The following NXPH1 variants were observed in gnomAD, a reference collection of about 807,000 sequenced individuals.
The protein encoded by NXPH1 is neurexophilin 1.
In NXPH1, 5 loss-of-function variants were observed where a neutral mutation model predicts 23.7. The ratio of observed to expected loss-of-function variants is 0.21; its 90% CI spans 0.11 to 0.44. The LOEUF (loss-of-function observed/expected upper bound fraction) is 0.44. NXPH1 is among the 20% of genes least tolerant of loss of function. The probability of loss-of-function intolerance (pLI) is 0.99; values close to 1 mark genes in which losing one functional copy is unlikely to be tolerated. For synonymous variants in NXPH1, 144 were observed against 122.2 expected (o/e 1.18, Z -1.18); for missense variants, 324 against 321.6 (o/e 1.01, Z -0.06).
intron 2 of NXPH1, among the ~76,000 whole-genome samples, chr7:8,513,639 T>G (rs2128614400): frequency 1.3e-5 from 2 of 152,162 alleles, no homozygotes; most frequent in East Asian, 3.9e-4. Context: ...CATTATGGTT[T>G]GGGGGAACAA....
At chr7:8,454,132 A>G (rs769025005) in intron 2 of NXPH1, among the ~76,000 whole-genome samples, 1 of 151,990 alleles carries the variant, frequency 6.6e-6, no homozygotes, top group Non-Finnish European at 1.5e-5. Flanking sequence ...AAAACTAACT[A>G]ATGGGTACTA....
chr7:8,744,888 T>C (rs1780441720), intron 2 of NXPH1, among the ~76,000 whole-genome samples: 1 of 152,216 alleles, frequency 6.6e-6, no homozygotes, highest in African/African-American at 2.4e-5. Context: ...TGGTTCAGGT[T>C]CACTTCTTTT....
chr7:8,552,765 C>G (rs1818299587), intron 2 of NXPH1, among the ~76,000 whole-genome samples: 1 of 151,560 alleles, frequency 6.6e-6, no homozygotes. Context: ...ACAATTCCTT[C>G]AATGTCACCA....
intron 2 of NXPH1, among the ~76,000 whole-genome samples, chr7:8,689,366 CAT>C (rs973255117): frequency 2.5e-4 from 37 of 149,708 alleles, no homozygotes; most frequent in African/African-American, 8.6e-4. Flanking sequence ...TGGCAGGAAA[CAT>C]AGGACATATT....
At chr7:8,478,323 GATTA>G (rs1294499197) in intron 2 of NXPH1, among the ~76,000 whole-genome samples, 1 of 151,958 alleles carries the variant, frequency 6.6e-6, no homozygotes, top group Non-Finnish European at 1.5e-5. Flanking sequence ...TCAATATATG[GATTA>G]ATTAAATAAA....
chr7:8,708,324 C>T (rs961558045), intron 2 of NXPH1, among the ~76,000 whole-genome samples: 1 of 151,924 alleles, frequency 6.6e-6, no homozygotes, highest in Non-Finnish European at 1.5e-5. Context: ...GATATGTGTA[C>T]CTAGAATGCA....
intron 2 of NXPH1, among the ~76,000 whole-genome samples, chr7:8,613,815 A>T (rs186230549): frequency 3.8e-4 from 58 of 152,028 alleles, no homozygotes; most frequent in Non-Finnish European, 5.7e-4. Context: ...CTAGAAAGGA[A>T]CATATATCTT....
intron 2 of NXPH1, among the ~76,000 whole-genome samples, chr7:8,596,221 T>A (rs4595032): frequency 0.14 from 20,922 of 152,092 alleles, 2,085 homozygotes; most frequent in African/African-American, 0.27. Flanking sequence ...CTGCTAAGTA[T>A]GTAAGCTCAT....
chr7:8,681,962 T>C (rs1163011069), intron 2 of NXPH1, among the ~76,000 whole-genome samples: 2 of 152,006 alleles, frequency 1.3e-5, no homozygotes, highest in African/African-American at 4.8e-5. Context: ...GAACCAGAAG[T>C]CCTCAGGGCA....
Position 8,749,531 on chromosome 7 carries a change from G to A in NXPH1, c.55-1477G>A, listed in dbSNP as rs187532194. 2.6e-3 allele frequency among the ~76,000 whole-genome samples: 401 copies of A among 152,256 alleles called. 2 individuals are homozygous for A. The highest frequency in any genetic ancestry group is 8.9e-3 in the African/African-American group (369 of 41,546). ...CAGCTAAGTCTAGGGAAGTGTCCCT[G>A]GAACACAGCTATAATTCCTAATGGG... On this transcript the variant is annotated intron_variant, in intron 2 of 2. Transcript: ENST00000405863.
intron 2 of NXPH1, among the ~76,000 whole-genome samples, chr7:8,693,291 A>G (rs1183782271): frequency 6.6e-6 from 1 of 152,164 alleles, no homozygotes; most frequent in East Asian, 1.9e-4. Context: ...TTGAATCCAC[A>G]TTCCAAGTTA....
At chr7:8,472,980 C>T (rs992856002) in intron 2 of NXPH1, among the ~76,000 whole-genome samples, 9 of 152,136 alleles carry the variant, frequency 5.9e-5, no homozygotes, top group Non-Finnish European at 1.3e-4. Context: ...TGAAACATCT[C>T]CTTGTGGGCC....
At chr7:8,482,260 C>G (rs996994234) in intron 2 of NXPH1, among the ~76,000 whole-genome samples, 2 of 152,172 alleles carry the variant, frequency 1.3e-5, no homozygotes, top group African/African-American at 4.8e-5. Context: ...CCCCTGTCAG[C>G]AGTGCCAAAA....
At chr7:8,560,614 G>T (rs980413248) in intron 2 of NXPH1, among the ~76,000 whole-genome samples, 32 of 151,650 alleles carry the variant, frequency 2.1e-4, no homozygotes, top group Admixed American at 2.0e-3. Context: ...TCAAGGAAGG[G>T]GGAGAGTGAG....
chr7:8,716,912 TC>T, intron 2 of NXPH1, among the ~76,000 whole-genome samples: 1 of 152,278 alleles, frequency 6.6e-6, no homozygotes, highest in Middle Eastern at 3.4e-3. Context: ...TTTCTTCACC[TC>T]CCTAATGCAC....
At chr7:8,657,227 C>A (rs1047518401) in intron 2 of NXPH1, among the ~76,000 whole-genome samples, 4 of 152,140 alleles carry the variant, frequency 2.6e-5, no homozygotes, top group African/African-American at 9.7e-5. Flanking sequence ...AAAACCAGCA[C>A]CATAAATGCC....
intron 2 of NXPH1, among the ~76,000 whole-genome samples, chr7:8,476,283 C>T (rs1816970156): frequency 6.6e-6 from 1 of 152,084 alleles, no homozygotes; most frequent in Admixed American, 6.6e-5. Flanking sequence ...CAGTAGAATG[C>T]CCTGTTCTTT....
At chr7:8,733,667 C>T (rs1780197087) in intron 2 of NXPH1, among the ~76,000 whole-genome samples, 1 of 152,138 alleles carries the variant, frequency 6.6e-6, no homozygotes, top group Non-Finnish European at 1.5e-5. Context: ...TTTTTGGCCA[C>T]ATAAATGTCT....
intron 2 of NXPH1, among the ~76,000 whole-genome samples, chr7:8,682,037 G>A (rs908334693): frequency 3.3e-5 from 5 of 152,182 alleles, no homozygotes; most frequent in Admixed American, 6.5e-5. Context: ...AGAAGTGAAG[G>A]GTGAGCATGC....
Sources: allele counts gnomAD v4.1 joint callset (sites outside exome capture counted in the v4.1 genomes callset), GRCh38; gene constraint gnomAD v4.1.1; transcripts MANE v1.5; gene names NCBI Gene and HGNC (gene_info 2026-07-23, HGNC 2026-07-21).